B3GALT1: variants seen among roughly 807,000 people sequenced by gnomAD.
B3GALT1 encodes the protein beta-1,3-galactosyltransferase 1, also known as UDP-Gal:betaGlcNAc beta 1,3-galactosyltransferase, polypeptide 1.
In B3GALT1, 10 loss-of-function variants were observed where a neutral mutation model predicts 23.2. The observed-to-expected ratio is 0.43, with a 90% CI of 0.27 to 0.73. The LOEUF is 0.73. Ranked by LOEUF, B3GALT1 falls within the 30% of genes least tolerant of loss-of-function variation. The pLI is 0.21. For missense variants in B3GALT1, 299 were observed against 405.4 expected (o/e 0.74, Z 2.25); for synonymous variants, 156 against 141.5 (o/e 1.10, Z -0.73).
chr2:167,317,450 A>C (rs748324826), intron 1 of B3GALT1, among the ~76,000 whole-genome samples: 13 of 152,078 alleles, frequency 8.5e-5, no homozygotes, highest in Non-Finnish European at 1.3e-4. Flanking sequence ...TTCCGAAAAC[A>C]CTTAAAAACA....
At chr2:167,462,099 C>T (rs1355614756) in intron 1 of B3GALT1, among the ~76,000 whole-genome samples, 2 of 152,026 alleles carry the variant, frequency 1.3e-5, no homozygotes, top group African/African-American at 4.8e-5. Flanking sequence ...TGTATATTTC[C>T]ACAATAAAAA....
intron 2 of B3GALT1, among the ~76,000 whole-genome samples, chr2:167,537,622 C>T (rs917052898): frequency 6.6e-6 from 1 of 152,006 alleles, no homozygotes; most frequent in Non-Finnish European, 1.5e-5. Flanking sequence ...TCCTTGTTTT[C>T]AAGCCCCTTC....
intron 1 of B3GALT1, among the ~76,000 whole-genome samples, chr2:167,329,504 T>TAA (rs1696941656): frequency 6.6e-6 from 1 of 152,218 alleles, no homozygotes; most frequent in East Asian, 1.9e-4. Flanking sequence ...CTGTTAGTTC[T>TAA]GTTTAATCTA....
At chr2:167,524,950 G>A (rs1325515289) in intron 2 of B3GALT1, among the ~76,000 whole-genome samples, 1 of 152,128 alleles carries the variant, frequency 6.6e-6, no homozygotes, top group Non-Finnish European at 1.5e-5. Flanking sequence ...CCATAATACT[G>A]GATATTTAGA....
intron 2 of B3GALT1, among the ~76,000 whole-genome samples, chr2:167,631,746 T>TCTCA (rs1685450206): frequency 6.7e-6 from 1 of 149,698 alleles, no homozygotes; most frequent in African/African-American, 2.4e-5. Context: ...TCTCTCTCTC[T>TCTCA]CACCTACCTC....
intron 2 of B3GALT1, among the ~76,000 whole-genome samples, chr2:167,497,559 G>C (rs372380031): frequency 1.3e-5 from 2 of 152,098 alleles, no homozygotes; most frequent in African/African-American, 4.8e-5. Flanking sequence ...GATTGAATTG[G>C]GACAAAAGAG....
intron 1 of B3GALT1, among the ~76,000 whole-genome samples, chr2:167,422,163 GAGA>G (rs1698557057): frequency 6.6e-6 from 1 of 151,418 alleles, no homozygotes; most frequent in African/African-American, 2.4e-5. Flanking sequence ...GAAGAGGAAG[GAGA>G]AGGAGACGAC....
intron 1 of B3GALT1, among the ~76,000 whole-genome samples, chr2:167,484,643 T>C (rs1324469805): frequency 6.6e-6 from 1 of 152,152 alleles, no homozygotes; most frequent in African/African-American, 2.4e-5. Flanking sequence ...TAAGAAGAGA[T>C]TGTGGAGACC....
chr2:167,554,771 A>G (rs983821791), intron 2 of B3GALT1, among the ~76,000 whole-genome samples: 5 of 152,326 alleles, frequency 3.3e-5, no homozygotes, highest in East Asian at 3.9e-4. Flanking sequence ...TGCTAGTCCA[A>G]TTAAGCAAAA....
intron 1 of B3GALT1, among the ~76,000 whole-genome samples, chr2:167,379,766 A>G (rs1316196762): frequency 6.6e-6 from 1 of 152,220 alleles, no homozygotes; most frequent in African/African-American, 2.4e-5. Context: ...GTCCACCTAT[A>G]GGTCCCCCAG....
chr2:167,812,296 A>C (rs569365080), intron 3 of B3GALT1, among the ~76,000 whole-genome samples: 1 of 152,218 alleles, frequency 6.6e-6, no homozygotes, highest in African/African-American at 2.4e-5. Flanking sequence ...AAACTTTCCA[A>C]AATTTGTTTG....
At position 167,868,845 on chromosome 2, in the gene B3GALT1, C is replaced by T. The variant is rs1046303666; in HGVS notation, c.-195C>T. 16 of 581,312 alleles carry T rather than the reference C, an allele frequency of 2.8e-5. No individual in the cohort carries two copies. Among genetic ancestry groups the T allele is most frequent in the East Asian group, 5.6e-5 (2 of 35,466 alleles). The allele number at this position is 581,312 out of a possible 1,614,324, so 36.0% of individuals were successfully genotyped here. A position where few individuals can be genotyped will look rare whatever the true frequency, so the allele number is the denominator to read the frequency against. On this transcript the variant is annotated 5_prime_UTR_variant, in exon 5 of 5. Coordinates refer to ENST00000392690, the MANE Select transcript of B3GALT1 (RefSeq NM_020981.4). ...GAAGATTTATGAGTCATGGAACCCT[C>T]CATCAGATTTGGAAGAAAGTAGAAT...
At chr2:167,731,562 T>A (rs545021499) in intron 3 of B3GALT1, among the ~76,000 whole-genome samples, 1 of 152,356 alleles carries the variant, frequency 6.6e-6, no homozygotes, top group South Asian at 2.1e-4. Flanking sequence ...TCTTTTGTTT[T>A]GTTACAGTAC....
intron 2 of B3GALT1, among the ~76,000 whole-genome samples, chr2:167,535,370 A>C (rs1210138961): frequency 2.0e-5 from 3 of 152,136 alleles, no homozygotes; most frequent in Non-Finnish European, 1.5e-5. Context: ...CATCATGGGA[A>C]AGACATGGCC....
intron 2 of B3GALT1, among the ~76,000 whole-genome samples, chr2:167,627,797 T>C (rs1341024966): frequency 6.6e-6 from 1 of 151,700 alleles, no homozygotes; most frequent in African/African-American, 2.4e-5. Flanking sequence ...CCACCAGCCA[T>C]ATGTGAAAGT....
At chr2:167,713,813 T>G (rs1329943771) in intron 3 of B3GALT1, 3 of 1,592,938 alleles carry the variant, frequency 1.9e-6, no homozygotes. Context: ...TGGATAGATG[T>G]TTCTCATTGC....
intron 2 of B3GALT1, among the ~76,000 whole-genome samples, chr2:167,609,406 T>C (rs1265381269): frequency 1.3e-5 from 2 of 152,092 alleles, no homozygotes; most frequent in East Asian, 1.9e-4. Flanking sequence ...CTTAAGCTGA[T>C]TTAGGCAATA....
chr2:167,636,786 G>A (rs779680399), intron 2 of B3GALT1, among the ~76,000 whole-genome samples: 2 of 152,052 alleles, frequency 1.3e-5, no homozygotes, highest in Non-Finnish European at 2.9e-5. Flanking sequence ...GTTGAACAAT[G>A]AGAACACATG....
chr2:167,576,385 G>T (rs1684386883), intron 2 of B3GALT1, among the ~76,000 whole-genome samples: 1 of 151,714 alleles, frequency 6.6e-6, no homozygotes, highest in South Asian at 2.1e-4. Flanking sequence ...TAATTAAACT[G>T]CTCTGATTGC....
Sources: gnomAD v4.1 joint callset for allele counts (sites outside exome capture counted in the v4.1 genomes callset) on GRCh38, gnomAD v4.1.1 for gene constraint, MANE v1.5 for transcripts, NCBI Gene and HGNC (gene_info 2026-07-23, HGNC 2026-07-21) for gene names.